Variants in RFX3 observed in about 807,000 individuals in gnomAD.
RFX3 encodes regulatory factor X3.
Under a neutral mutation model 98.6 loss-of-function variants are expected in RFX3, and 14 were observed. That is an observed-to-expected ratio of 0.14 (90% CI 0.09 to 0.22). The LOEUF (loss-of-function observed/expected upper bound fraction) is 0.22. Ranked by LOEUF, RFX3 falls within the 10% of genes least tolerant of loss-of-function variation. The probability of loss-of-function intolerance (pLI) is 1.00; values close to 1 mark genes in which losing one functional copy is unlikely to be tolerated. For synonymous variants in RFX3, 383 were observed against 328.4 expected, an observed-to-expected ratio of 1.17 and a Z score of -1.80; for missense variants, 639 against 926.9, an observed-to-expected ratio of 0.69 and a Z score of 4.03.
intron 7 of RFX3, among the ~76,000 whole-genome samples, chr9:3,286,270 A>G (rs1318098129): frequency 6.6e-6 from 1 of 151,804 alleles, no homozygotes; most frequent in Non-Finnish European, 1.5e-5. Flanking sequence ...AATAGTAACA[A>G]TTTATTGCAA....
chr9:3,524,893 G>A (rs1819090027), intron 1 of RFX3, among the ~76,000 whole-genome samples: 1 of 148,162 alleles, frequency 6.7e-6, no homozygotes, highest in Non-Finnish European at 1.5e-5. Context: ...GAAGAGAGAG[G>A]AGACAGACTT....
intron 15 of RFX3, among the ~76,000 whole-genome samples, chr9:3,239,719 GC>G (rs1819662267): frequency 6.6e-6 from 1 of 152,118 alleles, no homozygotes; most frequent in African/African-American, 2.4e-5. Flanking sequence ...GGGGCCTTTG[GC>G]CCAAGACCCA....
At chr9:3,235,918 G>A (rs1408460177) in intron 15 of RFX3, among the ~76,000 whole-genome samples, 2 of 152,144 alleles carry the variant, frequency 1.3e-5, no homozygotes, top group African/African-American at 2.4e-5. Flanking sequence ...GGATTAAGAT[G>A]TAGACATTTT....
chr9:3,420,629 T>C (rs1843363834), intron 1 of RFX3, among the ~76,000 whole-genome samples: 1 of 152,044 alleles, frequency 6.6e-6, no homozygotes, highest in African/African-American at 2.4e-5. Flanking sequence ...GATTTTAGAG[T>C]CTTTCAGCTG....
chr9:3,510,684 C>T (rs1351544826), intron 1 of RFX3, among the ~76,000 whole-genome samples: 1 of 152,006 alleles, frequency 6.6e-6, no homozygotes, highest in Non-Finnish European at 1.5e-5. Flanking sequence ...TGTTGAAACT[C>T]ATCTTGCATT....
At chr9:3,308,818 A>G (rs1369050482) in intron 4 of RFX3, among the ~76,000 whole-genome samples, 1 of 152,110 alleles carries the variant, frequency 6.6e-6, no homozygotes, top group Admixed American at 6.6e-5. Flanking sequence ...GGGAAGGTGT[A>G]TGGGTTGCTA....
intron 9 of RFX3, among the ~76,000 whole-genome samples, chr9:3,273,194 C>A (rs528101716): frequency 3.3e-5 from 5 of 152,220 alleles, no homozygotes; most frequent in Non-Finnish European, 7.4e-5. Context: ...GAGATTCAGG[C>A]AGCTGTATTT....
chr9:3,375,257 G>C (rs1157418615), intron 2 of RFX3, among the ~76,000 whole-genome samples: 2 of 152,186 alleles, frequency 1.3e-5, no homozygotes, highest in Non-Finnish European at 2.9e-5. Flanking sequence ...AATTATAGGA[G>C]TGCGCCTGAT....
chr9:3,521,908 G>T (rs1028294212), intron 1 of RFX3, among the ~76,000 whole-genome samples: 1 of 151,844 alleles, frequency 6.6e-6, no homozygotes, highest in African/African-American at 2.4e-5. Context: ...GGATTCAAAG[G>T]GAATTTACCA....
rs76492699 is a variant in RFX3 at position 3,506,420 on chromosome 9, C to A, written c.-9+19327G>T. Among the ~76,000 whole-genome samples the A allele has an allele frequency of 1.7e-3, 262 of 151,846 alleles. 5 individuals are homozygous for A. In the East Asian group the frequency reaches 0.041, roughly 24 times the overall value. The stretch of plus-strand genomic sequence containing the variant: ...TGATCCTCTACTTTTGACATCCCAG[C>A]AGGCACAGTAAAGTTAGGCAGTAGA... On this transcript the variant is annotated intron_variant, in intron 1 of 16. Coordinates refer to ENST00000617270, the MANE Select transcript of RFX3 (RefSeq NM_001282116.2).
chr9:3,237,426 T>A (rs1586684274), intron 15 of RFX3, among the ~76,000 whole-genome samples: 1 of 152,222 alleles, frequency 6.6e-6, no homozygotes, highest in East Asian at 1.9e-4. Context: ...ATCTGTTTTA[T>A]CAATTTCAAC....
At chr9:3,502,343 C>T (rs560589165) in intron 1 of RFX3, among the ~76,000 whole-genome samples, 1 of 151,904 alleles carries the variant, frequency 6.6e-6, no homozygotes, top group Non-Finnish European at 1.5e-5. Context: ...CTGAAATGAG[C>T]TGATTTTTGA....
chr9:3,430,612 A>G (rs1844570564), intron 1 of RFX3, among the ~76,000 whole-genome samples: 1 of 152,184 alleles, frequency 6.6e-6, no homozygotes, highest in Admixed American at 6.5e-5. Flanking sequence ...TCCACTTGCC[A>G]TAATTGTGTC....
At chr9:3,315,822 C>T (rs1441323515) in intron 4 of RFX3, among the ~76,000 whole-genome samples, 1 of 152,086 alleles carries the variant, frequency 6.6e-6, no homozygotes. Context: ...AAGACTAAAT[C>T]AGGAAGAAGT....
chr9:3,309,731 T>A (rs2130404361), intron 4 of RFX3, among the ~76,000 whole-genome samples: 1 of 152,318 alleles, frequency 6.6e-6, no homozygotes, highest in African/African-American at 2.4e-5. Context: ...AAACACATTT[T>A]CCCTATTATA....
chr9:3,412,717 C>A (rs1842561977), intron 1 of RFX3, among the ~76,000 whole-genome samples: 1 of 152,094 alleles, frequency 6.6e-6, no homozygotes, highest in South Asian at 2.1e-4. Flanking sequence ...CATACCAATT[C>A]TGTTACAGTT....
chr9:3,398,655 C>A (rs965630414), intron 1 of RFX3, among the ~76,000 whole-genome samples: 1 of 152,068 alleles, frequency 6.6e-6, no homozygotes, highest in African/African-American at 2.4e-5. Context: ...TGATGTCACT[C>A]GCACTAAATC....
At chr9:3,443,440 G>A (rs1845772964) in intron 1 of RFX3, among the ~76,000 whole-genome samples, 1 of 152,110 alleles carries the variant, frequency 6.6e-6, no homozygotes, top group African/African-American at 2.4e-5. Context: ...CCACTTACAA[G>A]GGAAAAGATG....
chr9:3,261,202 G>C (rs1037902293), intron 13 of RFX3, among the ~76,000 whole-genome samples: 3 of 151,776 alleles, frequency 2.0e-5, no homozygotes, highest in Admixed American at 2.0e-4. Flanking sequence ...GTTTCTTTTA[G>C]GATATTCACA....
Sources: gnomAD v4.1 joint callset for allele counts (sites outside exome capture counted in the v4.1 genomes callset) on GRCh38, gnomAD v4.1.1 for gene constraint, MANE v1.5 for transcripts, NCBI Gene and HGNC (gene_info 2026-07-23, HGNC 2026-07-21) for gene names.